The following DCDC2 variants were observed in gnomAD, a reference collection of about 807,000 sequenced individuals.
DCDC2 encodes doublecortin domain containing 2.
DCDC2 carries 40 observed loss-of-function variants against 50.2 expected under a neutral mutation model. The ratio of observed to expected loss-of-function variants is 0.80; its 90% CI spans 0.62 to 1.04. DCDC2 has a LOEUF of 1.04. Among genes scored for constraint, DCDC2 ranks in the 50% least tolerant of loss-of-function variants. DCDC2 has a pLI of 0.00. For missense variants in DCDC2, 570 were observed against 581.9 expected (o/e 0.98, Z 0.21); for synonymous variants, 234 against 210.6 (o/e 1.11, Z -0.96).
Position 24,280,887 on chromosome 6 carries a change from A to ACGC in DCDC2, c.760-2679_760-2677dup, listed in dbSNP as rs1456087442. Among the ~76,000 whole-genome samples, 8 of 152,208 alleles carry ACGC rather than the reference A, an allele frequency of 5.3e-5. No individual in the cohort carries two copies. The South Asian group carries it at 1.7e-3, about 32-fold the overall frequency. The stretch of plus-strand genomic sequence containing the variant: ...TTAGATGAGAAGATCAACCTTTCAC[A>ACGC]CGCCGTTAGCAAGCTTACTAGAATG... On this transcript the variant is annotated intron_variant, in intron 6 of 9. Transcript: ENST00000378454.
At chr6:24,273,002 A>G (rs1389279332) in intron 7 of DCDC2, among the ~76,000 whole-genome samples, 22 of 136,308 alleles carry the variant, frequency 1.6e-4, no homozygotes, top group Admixed American at 1.6e-3. Context: ...ATGTGTGTAT[A>G]AAGACATACA....
chr6:24,286,383 AGGACTTTGAGAACAGCC>A (rs567818083), intron 6 of DCDC2, among the ~76,000 whole-genome samples: 14 of 152,194 alleles, frequency 9.2e-5, no homozygotes, highest in Non-Finnish European at 1.9e-4. Flanking sequence ...GCTGGAGCCC[AGGACTTTGAGAACAGCC>A]TGGGCAACAA....
At chr6:24,343,083 C>T (rs76779109) in intron 2 of DCDC2, among the ~76,000 whole-genome samples, 1,851 of 139,010 alleles carry the variant, frequency 0.013, 20 homozygotes, top group Non-Finnish European at 0.02. Flanking sequence ...GACAGAGTCT[C>T]TTTCTGTCGC....
intron 7 of DCDC2, among the ~76,000 whole-genome samples, chr6:24,267,513 TG>T (rs1172655826): frequency 2.6e-5 from 4 of 152,314 alleles, no homozygotes; most frequent in South Asian, 4.1e-4. Context: ...TGTAAAAGTA[TG>T]AAAATATTTT....
chr6:24,359,123 A>T (rs182436737), upstream of DCDC2, among the ~76,000 whole-genome samples: 4 of 65,086 alleles, frequency 6.1e-5, no homozygotes, highest in African/African-American at 3.5e-4. Flanking sequence ...TATTATATAT[A>T]TTATATATTT....
At chr6:24,305,655 G>A (rs765851049) in intron 2 of DCDC2, among the ~76,000 whole-genome samples, 5 of 152,250 alleles carry the variant, frequency 3.3e-5, no homozygotes, top group Non-Finnish European at 7.4e-5. Context: ...TTAGATGATG[G>A]GGAACATAAT....
intron 7 of DCDC2, among the ~76,000 whole-genome samples, chr6:24,245,020 C>T (rs1457660199): frequency 2.0e-5 from 3 of 152,096 alleles, no homozygotes; most frequent in Non-Finnish European, 4.4e-5. Flanking sequence ...CATGGTGAAA[C>T]CCTGACTCTC....
In DCDC2 at chr6:24,344,524, G is replaced by A. The variant is rs200100076; in HGVS notation, c.348+9045C>T. Among the ~76,000 whole-genome samples, 75 of 152,272 alleles carry A rather than the reference G, an allele frequency of 4.9e-4. 2 individuals are homozygous for A. In the South Asian group the frequency reaches 0.014, roughly 29 times the overall value. On this transcript the variant is annotated intron_variant, in intron 2 of 9. Transcript: ENST00000378454. ...ACATCATGCCTAAATGCCAAAGAGA[G>A]GATGCCAGATATTTGGAACAAATGC...
At chr6:24,215,677 AG>A (rs760705180) in intron 7 of DCDC2, among the ~76,000 whole-genome samples, 4 of 152,204 alleles carry the variant, frequency 2.6e-5, no homozygotes, top group Non-Finnish European at 5.9e-5. Context: ...GGTAGCCAGG[AG>A]ATTTCAAAGC....
chr6:24,231,051 G>GCC (rs28993073), intron 7 of DCDC2, among the ~76,000 whole-genome samples: 18,434 of 152,158 alleles, frequency 0.12, 1,238 homozygotes, highest in African/African-American at 0.16. Flanking sequence ...CTTATGGAAG[G>GCC]CCCACGTTGT....
At chr6:24,220,915 C>CGAGAGAGT (rs1369192042) in intron 7 of DCDC2, among the ~76,000 whole-genome samples, 87 of 131,674 alleles carry the variant, frequency 6.6e-4, no homozygotes, top group African/African-American at 1.9e-3. Context: ...AGAGAGTGAG[C>CGAGAGAGT]GAGCGAGCGA....
chr6:24,200,944 A>G (rs1761573438), intron 8 of DCDC2, among the ~76,000 whole-genome samples: 1 of 152,234 alleles, frequency 6.6e-6, no homozygotes. Flanking sequence ...GGATCAATTC[A>G]ACAAGAACAG....
chr6:24,294,446 C>A (rs1441706213), intron 4 of DCDC2, among the ~76,000 whole-genome samples: 1 of 152,012 alleles, frequency 6.6e-6, no homozygotes, highest in African/African-American at 2.4e-5. Context: ...CCAGAGCTAG[C>A]AGAAGACAAG....
At chr6:24,297,849 AAAC>A (rs1346077871) in intron 4 of DCDC2, among the ~76,000 whole-genome samples, 2 of 152,240 alleles carry the variant, frequency 1.3e-5, no homozygotes, top group Admixed American at 6.5e-5. Flanking sequence ...AGGAAGATCT[AAAC>A]AAGTCATAAA....
In DCDC2 at chr6:24,235,921, AAGG is replaced by A. The variant is rs1762432249; in HGVS notation, c.923-30822_923-30820del. Among the ~76,000 whole-genome samples, 2 of 152,236 alleles carry A rather than the reference AAGG, an allele frequency of 1.3e-5. 1 individual carries two copies. The highest frequency in any genetic ancestry group is 1.3e-4 in the Admixed American group (2 of 15,280). On this transcript the variant is annotated intron_variant, in intron 7 of 9. Coordinates refer to ENST00000378454, the MANE Select transcript of DCDC2 (RefSeq NM_016356.5). ...AACCAAGAAGGTGAAAGATTTCTAC[AAGG>A]AGAACTACACTGCTGAAAGAAATCA...
At chr6:24,312,057 A>G (rs1759580304) in intron 2 of DCDC2, among the ~76,000 whole-genome samples, 1 of 151,990 alleles carries the variant, frequency 6.6e-6, no homozygotes, top group South Asian at 2.1e-4. Context: ...TAACTGACCA[A>G]TTGACCTTGT....
intron 8 of DCDC2, among the ~76,000 whole-genome samples, chr6:24,181,082 AAATTTTATT>A (rs1761061533): frequency 6.6e-6 from 1 of 152,190 alleles, no homozygotes; most frequent in Admixed American, 6.5e-5. Context: ...TAGGCTGTTC[AAATTTTATT>A]CGGATGCTTA....
chr6:24,326,198 G>A (rs370597196), intron 2 of DCDC2, among the ~76,000 whole-genome samples: 12 of 104,448 alleles, frequency 1.1e-4, no homozygotes, highest in South Asian at 3.4e-4. Flanking sequence ...AGGAAGAAAG[G>A]AAGGAAGGAA....
At chr6:24,345,461 C>G (rs1013477915) in intron 2 of DCDC2, among the ~76,000 whole-genome samples, 2 of 152,210 alleles carry the variant, frequency 1.3e-5, no homozygotes, top group Non-Finnish European at 2.9e-5. Flanking sequence ...CAGTTTCACT[C>G]TCTTCCTTTC....
Sources: gnomAD v4.1 joint callset for allele counts (sites outside exome capture counted in the v4.1 genomes callset) on GRCh38, gnomAD v4.1.1 for gene constraint, MANE v1.5 for transcripts, NCBI Gene and HGNC (gene_info 2026-07-23, HGNC 2026-07-21) for gene names.